IQCJ: variants seen among roughly 807,000 people sequenced by gnomAD.
IQCJ encodes IQ domain-containing protein J.
Under a neutral mutation model 11.0 loss-of-function variants are expected in IQCJ, and 9 were observed. The observed-to-expected ratio is 0.82, with a 90% CI of 0.49 to 1.43. The LOEUF is 1.43. Ranked by LOEUF, IQCJ falls within the 40% of genes most tolerant of loss-of-function variation. IQCJ has a pLI of 0.00. For missense variants in IQCJ, 146 were observed against 133.2 expected, an observed-to-expected ratio of 1.10 and a Z score of -0.47; for synonymous variants, 55 against 51.3, an observed-to-expected ratio of 1.07 and a Z score of -0.31.
chr3:159,143,390 A>G (rs1452462579), intron 1 of IQCJ, among the ~76,000 whole-genome samples: 1 of 152,220 alleles, frequency 6.6e-6, no homozygotes, highest in African/African-American at 2.4e-5. Flanking sequence ...CTACCCTAGA[A>G]GAATCTTTTT....
At chr3:159,091,684 A>T (rs199976593) in intron 1 of IQCJ, among the ~76,000 whole-genome samples, 2 of 125,664 alleles carry the variant, frequency 1.6e-5, no homozygotes, top group Admixed American at 7.6e-5. Flanking sequence ...GCACACACAC[A>T]CACACACACA....
At chr3:159,223,446 G>A (rs79744813) in intron 1 of IQCJ, among the ~76,000 whole-genome samples, 4,962 of 152,120 alleles carry the variant, frequency 0.033, 249 homozygotes, top group African/African-American at 0.11. Flanking sequence ...ACATGTGTAA[G>A]TTCTTATGTG....
chr3:159,190,984 C>T (rs1474544825), intron 1 of IQCJ, among the ~76,000 whole-genome samples: 1 of 152,174 alleles, frequency 6.6e-6, no homozygotes, highest in Non-Finnish European at 1.5e-5. Flanking sequence ...AGTCATATTT[C>T]AGTCTTATGC....
intron 1 of IQCJ, among the ~76,000 whole-genome samples, chr3:159,136,536 G>C (rs893262294): frequency 1.3e-5 from 2 of 152,176 alleles, no homozygotes; most frequent in Non-Finnish European, 2.9e-5. Context: ...GGTGGCTTAT[G>C]AACAGTAGAA....
At chr3:159,160,536 TTTA>T (rs894910192) in intron 1 of IQCJ, among the ~76,000 whole-genome samples, 2 of 151,738 alleles carry the variant, frequency 1.3e-5, no homozygotes, top group African/African-American at 2.4e-5. Flanking sequence ...ATTATTTTAT[TTTA>T]TTATTATTAT....
chr3:159,176,365 T>C (rs563571758), intron 1 of IQCJ, among the ~76,000 whole-genome samples: 2 of 152,140 alleles, frequency 1.3e-5, no homozygotes, highest in Non-Finnish European at 1.5e-5. Context: ...GAAATTGATA[T>C]ACCCATTTTA....
chr3:159,182,782 T>TA (rs1395171896), intron 1 of IQCJ, among the ~76,000 whole-genome samples: 10 of 130,882 alleles, frequency 7.6e-5, no homozygotes, highest in Admixed American at 6.5e-4. Flanking sequence ...ATTTATTTTA[T>TA]TTTTTTTCAC....
chr3:159,178,828 G>A (rs1435547016), intron 1 of IQCJ, among the ~76,000 whole-genome samples: 1 of 152,084 alleles, frequency 6.6e-6, no homozygotes, highest in Non-Finnish European at 1.5e-5. Flanking sequence ...AGTTGTCCAA[G>A]TTGCTCAACA....
chr3:159,253,833 C>T (rs1432058549), intron 3 of IQCJ, among the ~76,000 whole-genome samples: 1 of 152,158 alleles, frequency 6.6e-6, no homozygotes, highest in Non-Finnish European at 1.5e-5. Context: ...GACTTAGGAA[C>T]TAAAACAGAA....
intron 1 of IQCJ, among the ~76,000 whole-genome samples, chr3:159,208,318 C>T (rs1482186954): frequency 6.6e-6 from 1 of 152,208 alleles, no homozygotes; most frequent in Non-Finnish European, 1.5e-5. Context: ...TCTACTCTCT[C>T]TCCCTCTGTC....
At chr3:159,208,483 C>T (rs915116137) in intron 1 of IQCJ, among the ~76,000 whole-genome samples, 1 of 152,192 alleles carries the variant, frequency 6.6e-6, no homozygotes, top group African/African-American at 2.4e-5. Flanking sequence ...AAACCTAAGC[C>T]TCTTTGTTGG....
At chr3:159,180,183 A>G (rs1326934147) in intron 1 of IQCJ, among the ~76,000 whole-genome samples, 1 of 152,192 alleles carries the variant, frequency 6.6e-6, no homozygotes, top group East Asian at 1.9e-4. Context: ...TAAATGGAAC[A>G]TTGATTCTGC....
At chr3:159,176,475 C>T (rs1722802086) in intron 1 of IQCJ, among the ~76,000 whole-genome samples, 1 of 151,956 alleles carries the variant, frequency 6.6e-6, no homozygotes, top group East Asian at 1.9e-4. Flanking sequence ...AAAAGCAACA[C>T]TAGATTTTGA....
chr3:159,072,560 TTTGA>T (rs1232035378), intron 1 of IQCJ, among the ~76,000 whole-genome samples: 4 of 152,134 alleles, frequency 2.6e-5, no homozygotes, highest in African/African-American at 9.7e-5. Context: ...TGGAAAATTA[TTTGA>T]TTAAGTAAAC....
chr3:159,087,400 C>T (rs1215691791), intron 1 of IQCJ, among the ~76,000 whole-genome samples: 3 of 143,520 alleles, frequency 2.1e-5, no homozygotes, highest in Non-Finnish European at 1.5e-5. Context: ...GTGTCTCTGC[C>T]TGGCTTTGGT....
At chr3:159,210,002 A>T (rs987430824) in intron 1 of IQCJ, among the ~76,000 whole-genome samples, 2 of 152,210 alleles carry the variant, frequency 1.3e-5, no homozygotes, top group South Asian at 4.1e-4. Context: ...GTGAGGACAG[A>T]CACAAGGCAC....
At chr3:159,087,946 C>A (rs1716921589) in intron 1 of IQCJ, among the ~76,000 whole-genome samples, 1 of 148,132 alleles carries the variant, frequency 6.8e-6, no homozygotes, top group Admixed American at 6.7e-5. Flanking sequence ...TTAGTTATTT[C>A]TTGCCTTCTG....
intron 1 of IQCJ, among the ~76,000 whole-genome samples, chr3:159,206,988 A>G (rs954149323): frequency 4.6e-5 from 7 of 152,138 alleles, no homozygotes; most frequent in African/African-American, 1.7e-4. Flanking sequence ...AGATATTTGT[A>G]TTTGCTGACT....
chr3:159,115,747 C>A (rs528315248), intron 1 of IQCJ, among the ~76,000 whole-genome samples: 2 of 151,962 alleles, frequency 1.3e-5, no homozygotes, highest in Non-Finnish European at 2.9e-5. Flanking sequence ...ATAGGGAGAC[C>A]CATCTCTAAA....
Sources: gnomAD v4.1 joint callset for allele counts (sites outside exome capture counted in the v4.1 genomes callset) on GRCh38, gnomAD v4.1.1 for gene constraint, MANE v1.5 for transcripts, NCBI Gene and HGNC (gene_info 2026-07-23, HGNC 2026-07-21) for gene names.